The following STK32B variants were observed in gnomAD, a reference collection of about 807,000 sequenced individuals.
STK32B encodes the protein serine/threonine-protein kinase 32B.
Under a neutral mutation model 52.6 loss-of-function variants are expected in STK32B, and 43 were observed. The observed-to-expected ratio is 0.82, with a 90% CI of 0.64 to 1.05. STK32B has a LOEUF of 1.05. Ranked by LOEUF, STK32B falls within the 50% of genes least tolerant of loss-of-function variation. The probability of loss-of-function intolerance (pLI) is 0.00; values close to 1 mark genes in which losing one functional copy is unlikely to be tolerated. For missense variants in STK32B, 621 were observed against 534.6 expected, an observed-to-expected ratio of 1.16 and a Z score of -1.59; for synonymous variants, 238 against 204.3, an observed-to-expected ratio of 1.17 and a Z score of -1.41.
At chr4:5,253,261 C>A (rs1019864500) in intron 3 of STK32B, among the ~76,000 whole-genome samples, 8 of 152,086 alleles carry the variant, frequency 5.3e-5, no homozygotes, top group Non-Finnish European at 7.3e-5. Context: ...TACCTGGAAC[C>A]AAACCTGGGC....
chr4:5,353,261 A>G (rs1733954278), intron 4 of STK32B, among the ~76,000 whole-genome samples: 1 of 152,210 alleles, frequency 6.6e-6, no homozygotes, highest in Non-Finnish European at 1.5e-5. Context: ...CTCAAGGTGG[A>G]TTAAAGACTT....
chr4:5,179,597 A>T (rs894541609), intron 3 of STK32B, among the ~76,000 whole-genome samples: 1 of 152,194 alleles, frequency 6.6e-6, no homozygotes, highest in Non-Finnish European at 1.5e-5. Flanking sequence ...GATGATAGAT[A>T]AATAGATGAT....
At chr4:5,408,362 C>G (rs1737812240) in intron 5 of STK32B, among the ~76,000 whole-genome samples, 2 of 151,998 alleles carry the variant, frequency 1.3e-5, no homozygotes, top group Non-Finnish European at 2.9e-5. Context: ...CAGGTAGCAC[C>G]TACCCCCGTC....
chr4:5,313,431 C>T (rs1289508726), intron 3 of STK32B, among the ~76,000 whole-genome samples: 4 of 151,602 alleles, frequency 2.6e-5, no homozygotes, highest in East Asian at 1.9e-4. Flanking sequence ...TGAATGCTTT[C>T]TCCCTAAGAT....
chr4:5,117,318 A>G (rs1265609172), intron 1 of STK32B, among the ~76,000 whole-genome samples: 4 of 152,194 alleles, frequency 2.6e-5, no homozygotes, highest in Non-Finnish European at 5.9e-5. Context: ...TATTCCTGCT[A>G]TACCTAATTT....
chr4:5,053,591 T>A (rs1186868861), intron 1 of STK32B, among the ~76,000 whole-genome samples: 2 of 152,228 alleles, frequency 1.3e-5, no homozygotes, highest in Admixed American at 1.3e-4. Flanking sequence ...AATAGTTATC[T>A]CTGGTGTAGC....
chr4:5,202,600 A>G (rs1006508370), intron 3 of STK32B, among the ~76,000 whole-genome samples: 5 of 152,232 alleles, frequency 3.3e-5, no homozygotes, highest in Non-Finnish European at 7.3e-5. Context: ...ACTGCAGCAG[A>G]CTTCTTTCTG....
At chr4:5,408,366 C>G (rs1737812864) in intron 5 of STK32B, among the ~76,000 whole-genome samples, 1 of 151,946 alleles carries the variant, frequency 6.6e-6, no homozygotes, top group South Asian at 2.1e-4. Flanking sequence ...TAGCACCTAC[C>G]CCCGTCTCTC....
chr4:5,144,788 C>CATTCATGCATT (rs869178092), intron 2 of STK32B, among the ~76,000 whole-genome samples: 2 of 29,318 alleles, frequency 6.8e-5, no homozygotes, highest in African/African-American at 1.3e-4. Flanking sequence ...ATTCACTCAT[C>CATTCATGCATT]CATCCATCCA....
intron 11 of STK32B, among the ~76,000 whole-genome samples, chr4:5,498,193 C>T (rs776329257): frequency 1.2e-4 from 18 of 152,176 alleles, no homozygotes; most frequent in Non-Finnish European, 1.8e-4. Context: ...GTCTCCATTC[C>T]GTTCTTGCTG....
At chr4:5,160,455 C>G (rs189129328) in intron 2 of STK32B, among the ~76,000 whole-genome samples, 52 of 152,162 alleles carry the variant, frequency 3.4e-4, no homozygotes, top group Middle Eastern at 3.4e-3. Flanking sequence ...CCTGGTAACC[C>G]CCTTCCTTCT....
Position 5,368,930 on chromosome 4 carries a change from G to A in STK32B, c.435-29277G>A, listed in dbSNP as rs140023251. Among the ~76,000 whole-genome samples the A allele has an allele frequency of 1.7e-4, 26 of 152,204 alleles. No homozygotes were observed. In the East Asian group the frequency reaches 4.5e-3, roughly 26 times the overall value. On this transcript the variant is annotated intron_variant, in intron 4 of 11. Coordinates refer to ENST00000282908, the MANE Select transcript of STK32B (RefSeq NM_018401.3). ...TCTCTTCCTTGCTGTGGCAAAGATG[G>A]CTACTGTCCTCCAGCAGCTGTCCTT...
At chr4:5,309,410 A>G (rs1203818973) in intron 3 of STK32B, among the ~76,000 whole-genome samples, 5 of 152,334 alleles carry the variant, frequency 3.3e-5, no homozygotes, top group Non-Finnish European at 7.4e-5. Context: ...TGAAATTACA[A>G]AAGATGCTGA....
intron 4 of STK32B, among the ~76,000 whole-genome samples, chr4:5,393,931 T>C (rs77373055): frequency 0.012 from 1,774 of 152,286 alleles, 29 homozygotes; most frequent in African/African-American, 0.04. Flanking sequence ...GATAGCATAT[T>C]CCCTTCACTA....
chr4:5,024,324 G>A, the STK32B span, among the ~76,000 whole-genome samples: 7 of 152,208 alleles, frequency 4.6e-5, no homozygotes, highest in Non-Finnish European at 1.0e-4. Flanking sequence ...CTTCCCTGAG[G>A]AAGAAAGAGT....
At chr4:5,408,360 A>G (rs1577457245) in intron 5 of STK32B, among the ~76,000 whole-genome samples, 1 of 151,856 alleles carries the variant, frequency 6.6e-6, no homozygotes, top group Non-Finnish European at 1.5e-5. Context: ...TGCAGGTAGC[A>G]CCTACCCCCG....
At chr4:5,126,900 TAG>T (rs1347137217) in intron 1 of STK32B, among the ~76,000 whole-genome samples, 1 of 152,186 alleles carries the variant, frequency 6.6e-6, no homozygotes, top group African/African-American at 2.4e-5. Context: ...ATTTGTGGTT[TAG>T]AGTCTACTGA....
At position 5,410,422 on chromosome 4, in the gene STK32B, G is replaced by T. The variant is rs149749218; in HGVS notation, c.473-6423G>T. Among the ~76,000 whole-genome samples, 7 of 152,374 alleles carry T rather than the reference G, an allele frequency of 4.6e-5. No individual in the cohort carries two copies. The East Asian group carries it at 1.3e-3, about 29-fold the overall frequency. Reference sequence around the variant, plus strand: ...AGAGAATACTTGAAAGCAGATGACCGTGTGTAGTTTCCCTTTCATCCTAAC... The same window carrying T: ...AGAGAATACTTGAAAGCAGATGACCTTGTGTAGTTTCCCTTTCATCCTAAC... On this transcript the variant is annotated intron_variant, in intron 5 of 11. Transcript: ENST00000282908.
At chr4:5,276,450 C>T (rs932964860) in intron 3 of STK32B, among the ~76,000 whole-genome samples, 18 of 152,132 alleles carry the variant, frequency 1.2e-4, no homozygotes, top group African/African-American at 4.1e-4. Flanking sequence ...ATTCTAGACA[C>T]TTCTTGGGGC....
Sources: allele counts gnomAD v4.1 joint callset (sites outside exome capture counted in the v4.1 genomes callset), GRCh38; gene constraint gnomAD v4.1.1; transcripts MANE v1.5; gene names NCBI Gene and HGNC (gene_info 2026-07-23, HGNC 2026-07-21).